The following DOCK2 variants were observed in gnomAD, a reference collection of about 807,000 sequenced individuals.
DOCK2 encodes dedicator of cytokinesis 2, also known as dedicator of cytokinesis protein 2.
In DOCK2, 87 loss-of-function variants were observed where a neutral mutation model predicts 248.9. That is an observed-to-expected ratio of 0.35 (90% CI 0.29 to 0.42). The LOEUF is 0.42. Ranked by LOEUF, DOCK2 falls within the 10% of genes least tolerant of loss-of-function variation. The probability of loss-of-function intolerance (pLI) is 1.00; values close to 1 mark genes in which losing one functional copy is unlikely to be tolerated. For synonymous variants in DOCK2, 805 were observed against 821.6 expected, an observed-to-expected ratio of 0.98 and a Z score of 0.35; for missense variants, 1,747 against 2,300.2, an observed-to-expected ratio of 0.76 and a Z score of 4.92.
At chr5:169,864,341 C>A in intron 27 of DOCK2, 14 of 1,551,600 alleles carry the variant, frequency 9.0e-6, no homozygotes, top group Non-Finnish European at 1.2e-5. Flanking sequence ...TTTTCCGGGG[C>A]TGGGGGTTCT....
chr5:170,003,264 C>T (rs72828625), intron 30 of DOCK2, among the ~76,000 whole-genome samples: 11,311 of 152,252 alleles, frequency 0.074, 642 homozygotes, highest in Non-Finnish European at 0.11. Flanking sequence ...GGGTATTTTA[C>T]AAGTGAGGAG....
chr5:169,698,554 G>A (rs986193785), intron 11 of DOCK2, 105 bp downstream of exon 11: 4 of 1,272,692 alleles, frequency 3.1e-6, no homozygotes, highest in African/African-American at 3.0e-5. Context: ...TGATAGGCAG[G>A]TGGAGCCTCC....
intron 23 of DOCK2, among the ~76,000 whole-genome samples, chr5:169,759,483 A>G (rs961501825): frequency 6.6e-6 from 1 of 152,208 alleles, no homozygotes; most frequent in African/African-American, 2.4e-5. Context: ...ATTCTAGTCT[A>G]TGTTATTGCC....
chr5:169,782,585 C>T (rs752049315), intron 25 of DOCK2, among the ~76,000 whole-genome samples: 10 of 151,628 alleles, frequency 6.6e-5, no homozygotes, highest in Admixed American at 2.6e-4. Context: ...TGCAGGTCTC[C>T]AGGTCCTTCT....
chr5:170,009,449 G>T (rs920118571), intron 32 of DOCK2, among the ~76,000 whole-genome samples: 1 of 152,212 alleles, frequency 6.6e-6, no homozygotes, highest in African/African-American at 2.4e-5. Flanking sequence ...GTGTGGTTTT[G>T]ATTCCACAAG....
chr5:169,930,326 T>TA (rs1413222193), intron 27 of DOCK2, among the ~76,000 whole-genome samples: 6 of 152,186 alleles, frequency 3.9e-5, no homozygotes, highest in Admixed American at 2.6e-4. Flanking sequence ...GGGTGATGGT[T>TA]AAAGCAGGAC....
At chr5:169,984,378 A>T (rs955466649) in intron 28 of DOCK2, among the ~76,000 whole-genome samples, 5 of 152,226 alleles carry the variant, frequency 3.3e-5, no homozygotes, top group African/African-American at 1.2e-4. Context: ...CATCATCATC[A>T]ACAGGTAATG....
chr5:170,071,945 A>T (rs1287468733), intron 46 of DOCK2, among the ~76,000 whole-genome samples: 4 of 152,180 alleles, frequency 2.6e-5, no homozygotes, highest in African/African-American at 7.2e-5. Context: ...CATAACTATG[A>T]TTCACATTCA....
At chr5:169,762,783 G>A (rs534075536) in intron 25 of DOCK2, among the ~76,000 whole-genome samples, 7 of 152,290 alleles carry the variant, frequency 4.6e-5, no homozygotes, top group South Asian at 2.1e-4. Context: ...AATAAAATGC[G>A]AAGCAAACTG....
chr5:169,707,874 G>C (rs2113505379), intron 14 of DOCK2, among the ~76,000 whole-genome samples: 1 of 152,322 alleles, frequency 6.6e-6, no homozygotes, highest in African/African-American at 2.4e-5. Flanking sequence ...TAACTCCAAG[G>C]CTGGTTGTCA....
intron 23 of DOCK2, among the ~76,000 whole-genome samples, chr5:169,752,267 T>C (rs757829778): frequency 2.6e-5 from 4 of 152,200 alleles, no homozygotes; most frequent in Non-Finnish European, 5.9e-5. Context: ...ACAAGTGGAA[T>C]TAAATGAACA....
At chr5:169,804,470 GT>G (rs1561712809) in intron 26 of DOCK2, among the ~76,000 whole-genome samples, 1 of 83,360 alleles carries the variant, frequency 1.2e-5, no homozygotes, top group East Asian at 6.1e-4. Context: ...GTGTGTGTGT[GT>G]GTGTGTGTGT....
intron 1 of DOCK2, among the ~76,000 whole-genome samples, chr5:169,652,497 G>C (rs780348124): frequency 6.6e-6 from 1 of 152,238 alleles, no homozygotes; most frequent in Non-Finnish European, 1.5e-5. Flanking sequence ...GGGATATGGG[G>C]CACACCTGGG....
At chr5:169,948,888 T>C (rs1776550868) in intron 27 of DOCK2, among the ~76,000 whole-genome samples, 1 of 152,108 alleles carries the variant, frequency 6.6e-6, no homozygotes. Context: ...CCCTGCCTCC[T>C]CAGTAGTGAA....
chr5:169,799,547 A>C (rs1048128533), intron 25 of DOCK2, among the ~76,000 whole-genome samples: 17 of 152,210 alleles, frequency 1.1e-4, no homozygotes, highest in African/African-American at 3.9e-4. Context: ...TTAGCCAGGC[A>C]AAAGAAAAAA....
chr5:169,967,274 G>A (rs951655977), intron 27 of DOCK2, among the ~76,000 whole-genome samples: 3 of 152,216 alleles, frequency 2.0e-5, no homozygotes, highest in Admixed American at 2.0e-4. Flanking sequence ...CTTTCCAGAT[G>A]AAGTGATTTC....
In DOCK2 at chr5:169,804,485, T is replaced by TGTGCGC. The variant is rs61431388; in HGVS notation, c.2703+1280_2703+1281insTGCGCG. Among the ~76,000 whole-genome samples the TGTGCGC allele has an allele frequency of 9.1e-3, 620 of 68,028 alleles. 2 individuals are homozygous for TGTGCGC. The highest frequency in any genetic ancestry group is 0.015 in the Admixed American group (73 of 4,768). 44.6% of individuals were successfully genotyped at this position (68,028 alleles called of 152,430 possible). On this transcript the variant is annotated intron_variant, in intron 26 of 51. Coordinates refer to ENST00000520908, the MANE Select transcript of DOCK2 (RefSeq NM_004946.3). The stretch of plus-strand genomic sequence containing the variant: ...GTGTGTGTGTGTGTGTGTGTGTGTG[T>TGTGCGC]GCGCGCGCGCGTGCGCGTAAGCATT...
chr5:169,780,295 ATGTGTGTGTGTGTGTGTGTG>A (rs3138738), intron 25 of DOCK2, among the ~76,000 whole-genome samples: 25 of 137,794 alleles, frequency 1.8e-4, no homozygotes, highest in Middle Eastern at 3.6e-3. Context: ...AACCCAATAA[ATGTGTGTGTGTGTGTGTGTG>A]TGTGTGTGTG....
intron 1 of DOCK2, among the ~76,000 whole-genome samples, chr5:169,639,259 G>T (rs1037041790): frequency 3.9e-5 from 6 of 152,200 alleles, no homozygotes; most frequent in Non-Finnish European, 8.8e-5. Flanking sequence ...AATCAACATT[G>T]CCTGTTAACC....
Sources: allele counts gnomAD v4.1 joint callset (sites outside exome capture counted in the v4.1 genomes callset), GRCh38; gene constraint gnomAD v4.1.1; transcripts MANE v1.5; gene names NCBI Gene and HGNC (gene_info 2026-07-23, HGNC 2026-07-21).